The following RAB3C variants were observed in gnomAD, a reference collection of about 807,000 sequenced individuals.
RAB3C encodes RAB3C, member RAS oncogene family, also known as ras-related protein Rab-3C.
In RAB3C, 17 loss-of-function variants were observed where a neutral mutation model predicts 26.4. That is an observed-to-expected ratio of 0.64 (90% CI 0.44 to 0.97). The LOEUF is 0.97. Ranked by LOEUF, RAB3C falls within the 50% of genes least tolerant of loss-of-function variation. The probability of loss-of-function intolerance (pLI) is 0.00; values close to 1 mark genes in which losing one functional copy is unlikely to be tolerated. For synonymous variants in RAB3C, 91 were observed against 95.9 expected, an observed-to-expected ratio of 0.95 and a Z score of 0.30; for missense variants, 242 against 281.9, an observed-to-expected ratio of 0.86 and a Z score of 1.01.
intron 2 of RAB3C, among the ~76,000 whole-genome samples, chr5:58,717,866 G>A (rs1749205360): frequency 6.6e-6 from 1 of 152,054 alleles, no homozygotes; most frequent in Non-Finnish European, 1.5e-5. Flanking sequence ...CATTGTTTAA[G>A]CAGATACTAT....
chr5:58,848,228 A>T (rs1051603578), intron 4 of RAB3C, among the ~76,000 whole-genome samples: 8 of 152,224 alleles, frequency 5.3e-5, no homozygotes, highest in African/African-American at 1.9e-4. Flanking sequence ...CATCTTGATG[A>T]ATCTTGAGCA....
chr5:58,627,590 A>G (rs1483583595), intron 2 of RAB3C, among the ~76,000 whole-genome samples: 2 of 151,932 alleles, frequency 1.3e-5, no homozygotes, highest in Non-Finnish European at 2.9e-5. Context: ...GACTTAAGAA[A>G]AAAGTACAGC....
intron 3 of RAB3C, among the ~76,000 whole-genome samples, chr5:58,789,109 A>G (rs1437085528): frequency 6.6e-6 from 1 of 152,158 alleles, no homozygotes; most frequent in African/African-American, 2.4e-5. Flanking sequence ...CATTATAAAT[A>G]CAAAATTGGG....
intron 1 of RAB3C, among the ~76,000 whole-genome samples, chr5:58,604,904 T>C (rs550126024): frequency 6.6e-6 from 1 of 152,232 alleles, no homozygotes; most frequent in East Asian, 1.9e-4. Context: ...TAACCGCTGC[T>C]CCTCTGGCCA....
chr5:58,633,951 T>C (rs899404617), intron 2 of RAB3C, among the ~76,000 whole-genome samples: 17 of 149,776 alleles, frequency 1.1e-4, no homozygotes, highest in Non-Finnish European at 5.9e-5. Context: ...GTTAACACGG[T>C]GAAACCCCAT....
chr5:58,831,466 G>A (rs527876006), intron 4 of RAB3C, among the ~76,000 whole-genome samples: 1 of 152,256 alleles, frequency 6.6e-6, no homozygotes, highest in South Asian at 2.1e-4. Flanking sequence ...AGTGTGCTGT[G>A]ATTTATAAGA....
intron 2 of RAB3C, among the ~76,000 whole-genome samples, chr5:58,705,486 A>G (rs1748925956): frequency 1.3e-5 from 2 of 152,168 alleles, no homozygotes; most frequent in South Asian, 2.1e-4. Context: ...ATTTTGCATT[A>G]TGGTATTTGG....
At chr5:58,723,482 C>G (rs111789419) in intron 2 of RAB3C, among the ~76,000 whole-genome samples, 372 of 151,932 alleles carry the variant, frequency 2.4e-3, no homozygotes, top group African/African-American at 7.3e-3. Context: ...TTCACTGATT[C>G]CCAGCCTCCT....
Position 58,845,612 on chromosome 5 carries a change from A to ATATATGTGTGTGTGTG in RAB3C, c.497-5551_497-5550insATATGTGTGTGTGTGT. Among the ~76,000 whole-genome samples, 43 of 81,586 alleles carry ATATATGTGTGTGTGTG rather than the reference A, an allele frequency of 5.3e-4. 2 individuals carry two copies. The highest frequency in any genetic ancestry group is 2.0e-3 in the African/African-American group (34 of 17,182). 53.5% of individuals were successfully genotyped at this position (81,586 alleles called of 152,430 possible). A position where few individuals can be genotyped will look rare whatever the true frequency, so the allele number is the denominator to read the frequency against. ...ATTCTTACTATATATATATATATATATGTGTGTGTGTGTGTGTGTATATGT... is the reference window on the plus strand; with the variant it reads ...ATTCTTACTATATATATATATATATATATATGTGTGTGTGTGTGTGTGTGTGTGTGTGTGTATATGT... On this transcript the variant is annotated intron_variant, in intron 4 of 4. Coordinates refer to ENST00000282878, the MANE Select transcript of RAB3C (RefSeq NM_138453.4).
intron 4 of RAB3C, among the ~76,000 whole-genome samples, chr5:58,846,308 T>G (rs945410510): frequency 6.6e-6 from 1 of 152,138 alleles, no homozygotes; most frequent in Admixed American, 6.5e-5. Context: ...CCAAGGAGCC[T>G]GTTAAAAATG....
intron 3 of RAB3C, among the ~76,000 whole-genome samples, chr5:58,731,577 G>A (rs1190711903): frequency 6.6e-6 from 1 of 152,114 alleles, no homozygotes. Flanking sequence ...AGAAAAGGGA[G>A]CATCAGGGAA....
At chr5:58,835,691 G>A (rs1186054325) in intron 4 of RAB3C, among the ~76,000 whole-genome samples, 1 of 152,076 alleles carries the variant, frequency 6.6e-6, no homozygotes, top group African/African-American at 2.4e-5. Context: ...CCATGTAACC[G>A]AAATCTGTAT....
At chr5:58,625,084 G>T (rs755909457) in intron 2 of RAB3C, among the ~76,000 whole-genome samples, 1 of 152,194 alleles carries the variant, frequency 6.6e-6, no homozygotes, top group South Asian at 2.1e-4. Flanking sequence ...TAGACAAGAA[G>T]TGGCTAGCAG....
At chr5:58,838,256 T>C (rs1042761705) in intron 4 of RAB3C, among the ~76,000 whole-genome samples, 5 of 151,890 alleles carry the variant, frequency 3.3e-5, no homozygotes, top group African/African-American at 9.7e-5. Flanking sequence ...GGCGGGCGCC[T>C]GTAGTCCCAG....
intron 2 of RAB3C, among the ~76,000 whole-genome samples, chr5:58,705,564 C>T (rs549147782): frequency 4.1e-4 from 62 of 152,218 alleles, no homozygotes; most frequent in African/African-American, 1.3e-3. Flanking sequence ...ACATGTGTTT[C>T]AGTAAATATT....
At chr5:58,829,811 T>C (rs542598311) in intron 4 of RAB3C, among the ~76,000 whole-genome samples, 1 of 152,334 alleles carries the variant, frequency 6.6e-6, no homozygotes, top group South Asian at 2.1e-4. Context: ...TGAGAATTTC[T>C]GAAAGTACAA....
At chr5:58,659,263 T>C (rs1444763636) in intron 2 of RAB3C, among the ~76,000 whole-genome samples, 1 of 151,712 alleles carries the variant, frequency 6.6e-6, no homozygotes, top group Non-Finnish European at 1.5e-5. Context: ...GTCCAAATTA[T>C]GTGTTTTTAT....
At chr5:58,632,560 G>A (rs1218447902) in intron 2 of RAB3C, among the ~76,000 whole-genome samples, 3 of 152,156 alleles carry the variant, frequency 2.0e-5, no homozygotes, top group Non-Finnish European at 4.4e-5. Context: ...ATCGGGGAAG[G>A]GGCAGACCAA....
chr5:58,674,487 A>C (rs1748183434), intron 2 of RAB3C, among the ~76,000 whole-genome samples: 1 of 152,244 alleles, frequency 6.6e-6, no homozygotes, highest in African/African-American at 2.4e-5. Context: ...AAGAGAAAGC[A>C]GTGGGAAATG....
Sources: allele counts gnomAD v4.1 joint callset (sites outside exome capture counted in the v4.1 genomes callset), GRCh38; gene constraint gnomAD v4.1.1; transcripts MANE v1.5; gene names NCBI Gene and HGNC (gene_info 2026-07-23, HGNC 2026-07-21).